ARHGEF33: variants seen among roughly 807,000 people sequenced by gnomAD.
ARHGEF33 encodes Rho guanine nucleotide exchange factor 33.
Under a neutral mutation model 101.9 loss-of-function variants are expected in ARHGEF33, and 72 were observed. The observed-to-expected ratio is 0.71, with a 90% confidence interval of 0.58 to 0.86. The LOEUF (loss-of-function observed/expected upper bound fraction) is 0.86. Among genes scored for constraint, ARHGEF33 ranks in the 40% least tolerant of loss-of-function variants. The pLI is 0.00. For missense variants in ARHGEF33, 1,169 were observed against 1,111.3 expected (o/e 1.05, Z -0.74); for synonymous variants, 499 against 442.5 (o/e 1.13, Z -1.60).
intron 7 of ARHGEF33, 31 bp from the exon 8 acceptor site, chr2:38,935,744 A>G (rs1370228078): frequency 5.8e-6 from 9 of 1,544,446 alleles, no homozygotes; most frequent in Non-Finnish European, 7.0e-6. Context: ...AGTGGAATGA[A>G]CGCTGAATGA....
intron 17 of ARHGEF33, chr2:38,971,829 A>G (rs1387407766): frequency 2.8e-6 from 2 of 718,444 alleles, no homozygotes; most frequent in African/African-American, 3.5e-5. Context: ...GAGTTTATGG[A>G]CTTTGAAAAC....
intron 8 of ARHGEF33, chr2:38,936,814 A>G (rs1667143463): frequency 6.6e-6 from 1 of 151,590 alleles, no homozygotes; most frequent in South Asian, 2.1e-4. Flanking sequence ...CAGCTCTACT[A>G]AAAATATAAA....
In ARHGEF33 at chr2:38,954,235, A is replaced by T. The variant is rs894085704; in HGVS notation, c.1138-138A>T. On this transcript the variant is annotated intron_variant, in intron 12 of 17. Coordinates refer to ENST00000409978, the MANE Select transcript of ARHGEF33 (RefSeq NM_001145451.5). ...CTGAACATGTGGCCTCTCCTATGAG[A>T]CAGCAATGCTCTATGACAATCTCTG... The T allele has an allele frequency of 6.4e-6, 4 of 625,600 alleles. No homozygotes were observed. The African/African-American group carries it at 7.3e-5, about 11-fold the overall frequency. 38.8% of individuals were successfully genotyped at this position (625,600 alleles called of 1,614,324 possible). A position where few individuals can be genotyped will look rare whatever the true frequency, so the allele number is the denominator to read the frequency against.
intron 2 of ARHGEF33, among the ~76,000 whole-genome samples, chr2:38,902,948 A>C (rs1348636146): frequency 1.3e-5 from 2 of 152,188 alleles, no homozygotes; most frequent in Non-Finnish European, 2.9e-5. Context: ...ATTCAAGCAG[A>C]GACCTTAGAT....
intron 17 of ARHGEF33, among the ~76,000 whole-genome samples, chr2:38,970,358 G>T (rs532233126): frequency 2.0e-5 from 3 of 152,188 alleles, no homozygotes; most frequent in Non-Finnish European, 2.9e-5. Flanking sequence ...CTGTTGAACA[G>T]ACCATGTAAT....
Position 38,975,081 on chromosome 2 carries a change from G to A in ARHGEF33, c.*1238G>A, listed in dbSNP as rs989792591. ...TGGTTTCTGTTCATTCAAAATCTTG[G>A]TACTCAAACTGGTGTCTTCAGAAGC... is the stretch of plus-strand genomic sequence containing the variant. On this transcript the variant is annotated 3_prime_UTR_variant, in exon 18 of 18. Transcript: ENST00000409978. 6.6e-6 allele frequency: 1 copy of A among 152,196 alleles called. No homozygotes were observed. The highest frequency in any genetic ancestry group is 2.4e-5 in the African/African-American group (1 of 41,444). 9.4% of individuals were successfully genotyped at this position (152,196 alleles called of 1,614,324 possible).
intron 11 of ARHGEF33, 79 bp downstream of exon 11, chr2:38,951,200 T>C: frequency 7.3e-7 from 1 of 1,365,072 alleles, no homozygotes; most frequent in Non-Finnish European, 1.0e-6. Context: ...TAATAGAGAA[T>C]CTAGAAGCAG....
chr2:38,971,067 T>G (rs1248098472), intron 17 of ARHGEF33, among the ~76,000 whole-genome samples: 1 of 152,204 alleles, frequency 6.6e-6, no homozygotes, highest in South Asian at 2.1e-4. Context: ...CCTTGCCCCT[T>G]TACTTCTTGA....
chr2:38,960,132 G>T lies in ARHGEF33; in HGVS notation c.1827G>T (p.Val609=), dbSNP rs1667879673. The change falls in exon 16 of 18, where the codon GTG becomes GTT. Residue 609 remains valine, a synonymous_variant. Transcript: ENST00000409978. ...TCCTGCCCGATGCCCGCGGCTTCGT[G>T]CCCGCGGCCTACGAAGAGTTCGAGT... The part of the protein sequence containing the change: ...AELLPDARGF[V]PAAYEEFEYG... 5.8e-6 allele frequency: 9 copies of T among 1,542,526 alleles called. No homozygotes were observed. Among genetic ancestry groups the T allele is most frequent in the Non-Finnish European group, 7.9e-6 (9 of 1,145,504 alleles).
At position 38,974,462 on chromosome 2, in the gene ARHGEF33, A is replaced by C. The variant is rs1200518362; in HGVS notation, c.*619A>C. 6.6e-6 allele frequency: 1 copy of C among 152,218 alleles called. No individual in the cohort carries two copies. Among genetic ancestry groups the C allele is most frequent in the African/African-American group, 2.4e-5 (1 of 41,456 alleles). 9.4% of individuals were successfully genotyped at this position (152,218 alleles called of 1,614,324 possible). On this transcript the variant is annotated 3_prime_UTR_variant, in exon 18 of 18. Coordinates refer to ENST00000409978, the MANE Select transcript of ARHGEF33 (RefSeq NM_001145451.5). ...AGGTTCAAAGCTTAAAAACACATTG[A>C]TCTCCAAACTTGTTCTGTGGTTATG...
intron 10 of ARHGEF33, among the ~76,000 whole-genome samples, chr2:38,946,856 C>T (rs1045711485): frequency 6.6e-6 from 1 of 152,144 alleles, no homozygotes; most frequent in African/African-American, 2.4e-5. Context: ...GAACTCCTGA[C>T]CTCAAGTGAT....
At chr2:38,931,401 G>C (rs1667000738) in intron 7 of ARHGEF33, 150 bp downstream of exon 7, 1 of 664,958 alleles carries the variant, frequency 1.5e-6, no homozygotes, top group South Asian at 2.4e-5. Context: ...GAAGAATCCA[G>C]AGGATCTAAG....
At chr2:38,920,398 CTTTTTTTTT>C (rs61429948) in intron 3 of ARHGEF33, among the ~76,000 whole-genome samples, 2 of 77,822 alleles carry the variant, frequency 2.6e-5, no homozygotes, top group African/African-American at 1.0e-4. Flanking sequence ...TCTTTCTTTC[CTTTTTTTTT>C]TTTTTTTTTT....
intron 1 of ARHGEF33, among the ~76,000 whole-genome samples, chr2:38,892,837 G>A (rs1273507812): frequency 3.3e-5 from 5 of 152,144 alleles, no homozygotes; most frequent in African/African-American, 1.2e-4. Flanking sequence ...CTTTCTAAGA[G>A]TCACTTCCCT....
chr2:38,939,048 C>G (rs1667231986), intron 9 of ARHGEF33, among the ~76,000 whole-genome samples: 2 of 152,178 alleles, frequency 1.3e-5, no homozygotes, highest in Non-Finnish European at 2.9e-5. Flanking sequence ...TCTTGGCTCC[C>G]TGCAACATCT....
intron 4 of ARHGEF33, among the ~76,000 whole-genome samples, chr2:38,924,128 G>A (rs906853304): frequency 6.6e-6 from 1 of 152,056 alleles, no homozygotes; most frequent in Non-Finnish European, 1.5e-5. Context: ...TAGAAAATTA[G>A]CAAAGAACAC....
chr2:38,913,687 A>T (rs1425490955), intron 2 of ARHGEF33, among the ~76,000 whole-genome samples: 2 of 152,016 alleles, frequency 1.3e-5, no homozygotes, highest in African/African-American at 2.4e-5. Flanking sequence ...GAGGCACGAG[A>T]ATCACTTAAA....
chr2:38,931,142 C>G lies in ARHGEF33; in HGVS notation c.396C>G (p.Ala132=), dbSNP rs200876825. 1.3e-6 allele frequency: 2 copies of G among 1,551,432 alleles called. No individual in the cohort carries two copies. The highest frequency in any genetic ancestry group is 2.7e-5 in the African/African-American group (2 of 73,120). ...AAAAAGAAGAGCACAGCTCACAGGC[C>G]GGGCCTGCCCAAGCACAAGGAAGTC... The part of the protein sequence containing the change: ...KTQKEEHSSQ[A]GPAQAQGSPF... Residue 132 remains alanine, a synonymous_variant, in exon 7 of 18, where the codon GCC becomes GCG. Transcript: ENST00000409978.
chr2:38,912,634 T>A (rs1352870844), intron 2 of ARHGEF33, among the ~76,000 whole-genome samples: 1 of 152,120 alleles, frequency 6.6e-6, no homozygotes, highest in Admixed American at 6.6e-5. Context: ...ACCCTAATAA[T>A]TGGGGGAGGG....
Sources: allele counts gnomAD v4.1 joint callset (sites outside exome capture counted in the v4.1 genomes callset), GRCh38; gene constraint gnomAD v4.1.1; transcripts MANE v1.5; gene names NCBI Gene and HGNC (gene_info 2026-07-23, HGNC 2026-07-21).